GCSAML: variants seen among roughly 807,000 people sequenced by gnomAD.
The protein encoded by GCSAML is germinal center-associated signaling and motility-like protein.
Under a neutral mutation model 13.0 loss-of-function variants are expected in GCSAML, and 9 were observed. The ratio of observed to expected loss-of-function variants is 0.69; its 90% CI spans 0.42 to 1.21. The LOEUF is 1.21. Ranked by LOEUF, GCSAML falls within the 50% of genes most tolerant of loss-of-function variation. The pLI is 0.00. For missense variants in GCSAML, 143 were observed against 153.4 expected (o/e 0.93, Z 0.36); for synonymous variants, 37 against 52.9 (o/e 0.70, Z 1.31).
chr1:247,531,636 G>A (rs764448231), intron 2 of GCSAML: 2 of 1,614,114 alleles, frequency 1.2e-6, no homozygotes, highest in Admixed American at 3.3e-5. Flanking sequence ...TGTTCCTCAG[G>A]GTGTAAATAA....
chr1:247,534,884 CG>C (rs1653735260), intron 2 of GCSAML, among the ~76,000 whole-genome samples: 1 of 152,162 alleles, frequency 6.6e-6, no homozygotes. Flanking sequence ...AAAATTCACA[CG>C]TGGAAGCTGT....
intron 4 of GCSAML, among the ~76,000 whole-genome samples, chr1:247,569,375 G>C (rs1217494074): frequency 6.6e-6 from 1 of 152,108 alleles, no homozygotes; most frequent in Non-Finnish European, 1.5e-5. Context: ...TTTGAGATAG[G>C]TTTGATCAGT....
intron 1 of GCSAML, among the ~76,000 whole-genome samples, chr1:247,520,847 AC>A (rs1463199553): frequency 6.6e-6 from 1 of 152,348 alleles, no homozygotes; most frequent in East Asian, 1.9e-4. Flanking sequence ...AAACCAACTT[AC>A]GTCTATACTA....
intron 4 of GCSAML, among the ~76,000 whole-genome samples, chr1:247,568,259 T>A (rs1381490153): frequency 6.6e-6 from 1 of 152,254 alleles, no homozygotes. Context: ...CATGCCTATG[T>A]CCTGAATGGT....
At chr1:247,522,962 A>G (rs1326095282) in intron 1 of GCSAML, among the ~76,000 whole-genome samples, 1 of 151,494 alleles carries the variant, frequency 6.6e-6, no homozygotes, top group Non-Finnish European at 1.5e-5. Context: ...TTAATGAGAA[A>G]TTTTTCTGAG....
At chr1:247,512,153 T>A (rs1433885987) in intron 1 of GCSAML, among the ~76,000 whole-genome samples, 1 of 152,174 alleles carries the variant, frequency 6.6e-6, no homozygotes, top group Non-Finnish European at 1.5e-5. Context: ...CAATCAAATG[T>A]AGGTTTGGTC....
intron 2 of GCSAML, among the ~76,000 whole-genome samples, chr1:247,533,155 C>T (rs1456612780): frequency 6.6e-6 from 1 of 152,064 alleles, no homozygotes; most frequent in African/African-American, 2.4e-5. Flanking sequence ...CACTCTGGCC[C>T]ATCTTGCCAT....
Position 247,549,482 on chromosome 1 carries a change from T to G in GCSAML, c.29+262T>G, listed in dbSNP as rs1303194918. ...CAAATTCCAGAAAAACATTTTTTTT[T>G]TTAGTATGAATGTGCCTCATATAAT... On this transcript the variant is annotated intron_variant, in intron 1 of 4. Coordinates refer to ENST00000366488, the MANE Select transcript of GCSAML (RefSeq NM_145278.5). 2.0e-5 allele frequency among the ~76,000 whole-genome samples: 3 copies of G among 152,202 alleles called. No individual in the cohort carries two copies. The East Asian group carries it at 5.8e-4, about 29-fold the overall frequency.
intron 1 of GCSAML, among the ~76,000 whole-genome samples, chr1:247,551,648 G>T (rs1667780813): frequency 6.6e-6 from 1 of 152,182 alleles, no homozygotes; most frequent in Non-Finnish European, 1.5e-5. Flanking sequence ...TCTGAAATCA[G>T]CTGAGAAAAG....
At chr1:247,570,390 G>T (rs1668556809) in intron 4 of GCSAML, among the ~76,000 whole-genome samples, 1 of 152,122 alleles carries the variant, frequency 6.6e-6, no homozygotes, top group African/African-American at 2.4e-5. Context: ...GTGTCCCAGA[G>T]GTTCTGGTTT....
At chr1:247,538,573 C>G in intron 2 of GCSAML, 1 of 340,916 alleles carries the variant, frequency 2.9e-6, no homozygotes, top group South Asian at 2.3e-5. Flanking sequence ...ATAAGAGTGG[C>G]AGCCTAATGT....
At chr1:247,550,454 G>A (rs538414064) in intron 1 of GCSAML, among the ~76,000 whole-genome samples, 7 of 152,192 alleles carry the variant, frequency 4.6e-5, no homozygotes, top group African/African-American at 1.2e-4. Context: ...TGGCTAACAC[G>A]GTGAAACTCC....
chr1:247,552,829 C>T (rs968918714), intron 1 of GCSAML, among the ~76,000 whole-genome samples: 1 of 137,782 alleles, frequency 7.3e-6, no homozygotes, highest in African/African-American at 3.5e-5. Context: ...GATCTCGGCT[C>T]ACTGCAACCT....
At chr1:247,523,221 T>C (rs1277868382) in intron 1 of GCSAML, among the ~76,000 whole-genome samples, 1 of 152,188 alleles carries the variant, frequency 6.6e-6, no homozygotes, top group Admixed American at 6.5e-5. Flanking sequence ...TACAGCAGCG[T>C]AATAATCAAG....
chr1:247,521,392 CCCTCTCCCTCTCTT>C (rs1428124183), intron 1 of GCSAML, among the ~76,000 whole-genome samples: 61 of 152,054 alleles, frequency 4.0e-4, no homozygotes, highest in Non-Finnish European at 5.6e-4. Context: ...TCCACGGTCT[CCCTCTCCCTCTCTT>C]TCCATGGTCT....
At chr1:247,546,362 T>C (rs1472449198), upstream of GCSAML, among the ~76,000 whole-genome samples, 3 of 151,776 alleles carry the variant, frequency 2.0e-5, no homozygotes, top group African/African-American at 7.3e-5. Context: ...TATTTTTTAT[T>C]TATTTTTATT....
rs1668857283 is a variant in GCSAML at position 247,576,836 on chromosome 1, T to G, written c.*2454T>G. 6.6e-6 allele frequency: 1 copy of G among 152,218 alleles called. No homozygotes were observed. The highest frequency in any genetic ancestry group is 2.4e-5 in the African/African-American group (1 of 41,460). 9.4% of individuals were successfully genotyped at this position (152,218 alleles called of 1,614,324 possible). ...CCAATTTTAGGAAAATGACAAAATT[T>G]TTTACTTTTCGTCTGCCTTTGTAGC... On this transcript the variant is annotated 3_prime_UTR_variant, in exon 5 of 5. Coordinates refer to ENST00000366488, the MANE Select transcript of GCSAML (RefSeq NM_145278.5).
intron 2 of GCSAML, 119 bp downstream of exon 2, chr1:247,556,585 T>A (rs1207802000): frequency 4.7e-6 from 3 of 641,164 alleles, no homozygotes; most frequent in Non-Finnish European, 8.1e-6. Context: ...TATAATAGAG[T>A]TCTTTGGTGA....
At chr1:247,541,695 G>T (rs1454520769) in intron 2 of GCSAML, among the ~76,000 whole-genome samples, 9 of 152,154 alleles carry the variant, frequency 5.9e-5, no homozygotes, top group Admixed American at 5.9e-4. Context: ...AAGAATGGCA[G>T]AGGACTCCTA....
Sources: allele counts gnomAD v4.1 joint callset (sites outside exome capture counted in the v4.1 genomes callset), GRCh38; gene constraint gnomAD v4.1.1; transcripts MANE v1.5; gene names NCBI Gene and HGNC (gene_info 2026-07-23, HGNC 2026-07-21).